RNMT: variants seen among roughly 807,000 people sequenced by gnomAD.
The protein encoded by RNMT is mRNA cap guanine-N(7) methyltransferase.
In RNMT, 27 loss-of-function variants were observed where a neutral mutation model predicts 56.0. That is an observed-to-expected ratio of 0.48 (90% confidence interval 0.36 to 0.67). RNMT has a LOEUF of 0.67. Among genes scored for constraint, RNMT ranks in the 30% least tolerant of loss-of-function variants. The pLI is 0.00. For missense variants in RNMT, 519 were observed against 552.1 expected, an observed-to-expected ratio of 0.94 and a Z score of 0.60; for synonymous variants, 184 against 176.2, an observed-to-expected ratio of 1.04 and a Z score of -0.35.
chr18:13,744,935 A>G (rs1244694080), intron 8 of RNMT, among the ~76,000 whole-genome samples: 2 of 152,336 alleles, frequency 1.3e-5, no homozygotes, highest in East Asian at 1.9e-4. Flanking sequence ...GAGACCTAAT[A>G]TAATTAAGAT....
At chr18:13,754,067 C>G (rs1342038662) in intron 10 of RNMT, 47 bp from the exon 11 acceptor site, 5 of 1,074,244 alleles carry the variant, frequency 4.7e-6, no homozygotes, top group Non-Finnish European at 7.1e-6. Flanking sequence ...CATATGTTTA[C>G]TTCCATATTG....
In RNMT at chr18:13,731,513, C is replaced by T; in HGVS notation, c.-5C>T. 1 of 1,578,548 alleles carries T rather than the reference C, an allele frequency of 6.3e-7. No individual in the cohort carries two copies. Among genetic ancestry groups the T allele is most frequent in the Middle Eastern group, 1.7e-4 (1 of 5,876 alleles). On this transcript the variant is annotated 5_prime_UTR_variant, in exon 3 of 12. Coordinates refer to ENST00000383314, the MANE Select transcript of RNMT (RefSeq NM_003799.3). Reference sequence around the variant, plus strand: ...AAGTTTTACCATCAATTCAAGTAATCATAAATGGCAAATTCTGCAAAAGCA... The same window carrying T: ...AAGTTTTACCATCAATTCAAGTAATTATAAATGGCAAATTCTGCAAAAGCA...
At chr18:13,728,361 A>C (rs1271987299) in intron 1 of RNMT, among the ~76,000 whole-genome samples, 1 of 116,488 alleles carries the variant, frequency 8.6e-6, no homozygotes, top group African/African-American at 3.5e-5. Flanking sequence ...TGTGTGACGG[A>C]GCCTTGCTCT....
At chr18:13,732,109 A>G (rs2149082657) in intron 3 of RNMT, among the ~76,000 whole-genome samples, 175 bp downstream of exon 3, 1 of 152,356 alleles carries the variant, frequency 6.6e-6, no homozygotes, top group East Asian at 1.9e-4. Context: ...AAGGTGAAAC[A>G]TCTCCTGCTA....
intron 9 of RNMT, among the ~76,000 whole-genome samples, chr18:13,752,085 G>A (rs922034965): frequency 2.0e-5 from 3 of 151,764 alleles, no homozygotes; most frequent in Non-Finnish European, 4.4e-5. Flanking sequence ...AAACCTGAAC[G>A]ATTTGCACAT....
At chr18:13,741,219 T>G (rs2044246336) in intron 6 of RNMT, among the ~76,000 whole-genome samples, 1 of 152,226 alleles carries the variant, frequency 6.6e-6, no homozygotes, top group Non-Finnish European at 1.5e-5. Flanking sequence ...AATGTCATTT[T>G]ATTTTAGCTG....
Position 13,762,366 on chromosome 18 carries a change from G to T in RNMT, c.*2387G>T. ...TGGCAGTTTTTAACCACTTCTGTGGGAGCCGTGTTCTAACCTGTGGAAAGT... is the reference window on the plus strand; with the variant it reads ...TGGCAGTTTTTAACCACTTCTGTGGTAGCCGTGTTCTAACCTGTGGAAAGT... On this transcript the variant is annotated 3_prime_UTR_variant, in exon 12 of 12. Transcript: ENST00000383314. 1.8e-6 allele frequency: 1 copy of T among 571,108 alleles called. No individual in the cohort carries two copies. The highest frequency in any genetic ancestry group is 3.1e-6 in the Non-Finnish European group (1 of 326,352). The allele number at this position is 571,108 out of a possible 1,614,324, so 35.4% of individuals were successfully genotyped here. A position where few individuals can be genotyped will look rare whatever the true frequency, so the allele number is the denominator to read the frequency against.
intron 2 of RNMT, among the ~76,000 whole-genome samples, chr18:13,731,094 A>G (rs936595924): frequency 6.6e-6 from 1 of 152,212 alleles, no homozygotes; most frequent in African/African-American, 2.4e-5. Flanking sequence ...TTAAACTCCT[A>G]GTTGATCAAA....
At position 13,762,722 on chromosome 18, in the gene RNMT, A is replaced by T. The variant is rs931459708; in HGVS notation, c.*2743A>T. 2.7e-5 allele frequency: 7 copies of T among 256,932 alleles called. No individual in the cohort carries two copies. The highest frequency in any genetic ancestry group is 1.1e-4 in the African/African-American group (5 of 45,446). The allele number at this position is 256,932 out of a possible 1,614,324, so 15.9% of individuals were successfully genotyped here. A position where few individuals can be genotyped will look rare whatever the true frequency, so the allele number is the denominator to read the frequency against. On this transcript the variant is annotated 3_prime_UTR_variant, in exon 12 of 12. Coordinates refer to ENST00000383314, the MANE Select transcript of RNMT (RefSeq NM_003799.3). Reference sequence around the variant, plus strand: ...ATATTGGTCAGGATCATAGAAAAGAAGACAAAGCTTGCTCAGCCATGAGAT... The same window carrying T: ...ATATTGGTCAGGATCATAGAAAAGATGACAAAGCTTGCTCAGCCATGAGAT...
At chr18:13,744,592 C>T (rs1451087939) in intron 8 of RNMT, among the ~76,000 whole-genome samples, 2 of 151,446 alleles carry the variant, frequency 1.3e-5, no homozygotes, top group African/African-American at 4.9e-5. Flanking sequence ...TAGAGATTTA[C>T]AAAAGAAAAT....
intron 11 of RNMT, among the ~76,000 whole-genome samples, chr18:13,755,463 A>C (rs989880501): frequency 7.2e-5 from 11 of 152,220 alleles, no homozygotes; most frequent in African/African-American, 2.7e-4. Flanking sequence ...AAGACTAACA[A>C]CTTAGCTAAG....
rs201093998 is a variant in RNMT at position 13,744,159 on chromosome 18, CTTTTTTTTTTTT to C, written c.1139+1522_1139+1533del. 1.2e-3 allele frequency among the ~76,000 whole-genome samples: 107 copies of C among 91,428 alleles called. 1 individual carries two copies. Among genetic ancestry groups the C allele is most frequent in the African/African-American group, 5.3e-3 (100 of 18,916 alleles). 60.0% of individuals were successfully genotyped at this position (91,428 alleles called of 152,430 possible). On this transcript the variant is annotated intron_variant, in intron 8 of 11. Coordinates refer to ENST00000383314, the MANE Select transcript of RNMT (RefSeq NM_003799.3). ...ATGCTAAACAAGACCTAGCGGTCTTCTTTTTTTTTTTTTTTTTTTTTTTTTTGACTTAAATTG... is the reference window on the plus strand; with the variant it reads ...ATGCTAAACAAGACCTAGCGGTCTTCTTTTTTTTTTTTTTGACTTAAATTG...
intron 10 of RNMT, among the ~76,000 whole-genome samples, chr18:13,753,852 A>ACACACACACACAC (rs1294785629): frequency 2.1e-5 from 2 of 93,250 alleles, no homozygotes; most frequent in African/African-American, 4.5e-5. Flanking sequence ...CACACACACA[A>ACACACACACACAC]TGCCCTCTTC....
chr18:13,742,801 AAAAAAC>A, intron 8 of RNMT, 149 bp downstream of exon 8: 1 of 591,026 alleles, frequency 1.7e-6, no homozygotes, highest in South Asian at 2.6e-5. Context: ...TTTTAAAAAA[AAAAAAC>A]AAAACAAGAC....
chr18:13,748,698 GTT>G (rs974149510), intron 9 of RNMT, among the ~76,000 whole-genome samples: 2 of 152,144 alleles, frequency 1.3e-5, no homozygotes, highest in African/African-American at 4.8e-5. Context: ...CCTGACACCT[GTT>G]TTCTTTTTTT....
chr18:13,732,740 C>G (rs1331082502), intron 3 of RNMT, among the ~76,000 whole-genome samples: 1 of 90,206 alleles, frequency 1.1e-5, no homozygotes, highest in Non-Finnish European at 2.4e-5. Flanking sequence ...GGGGAGCCCC[C>G]CCTTTTTTTT....
chr18:13,758,357 A>G (rs980566003), intron 11 of RNMT, among the ~76,000 whole-genome samples: 2 of 152,184 alleles, frequency 1.3e-5, no homozygotes, highest in African/African-American at 4.8e-5. Flanking sequence ...TCTTCATTGA[A>G]GATCTTATTT....
intron 8 of RNMT, among the ~76,000 whole-genome samples, chr18:13,744,021 C>G (rs2044304169): frequency 6.6e-6 from 1 of 151,708 alleles, no homozygotes; most frequent in African/African-American, 2.4e-5. Flanking sequence ...TAAAAAAGAA[C>G]TTAATTGTGG....
intron 9 of RNMT, among the ~76,000 whole-genome samples, chr18:13,747,977 G>A (rs530556087): frequency 6.6e-5 from 10 of 152,320 alleles, no homozygotes; most frequent in South Asian, 6.2e-4. Context: ...CATATGGGTA[G>A]TGAATTCACT....
Sources: allele counts gnomAD v4.1 joint callset (sites outside exome capture counted in the v4.1 genomes callset), GRCh38; gene constraint gnomAD v4.1.1; transcripts MANE v1.5; gene names NCBI Gene and HGNC (gene_info 2026-07-23, HGNC 2026-07-21).